The following AKAP6 variants were observed in gnomAD, a reference collection of about 807,000 sequenced individuals.
AKAP6 encodes the protein A-kinase anchor protein 6.
A neutral mutation model predicts 188.5 loss-of-function variants in AKAP6; 58 were observed. The ratio of observed to expected loss-of-function variants is 0.31; its 90% CI spans 0.25 to 0.38. The LOEUF (loss-of-function observed/expected upper bound fraction) is 0.38. Among genes scored for constraint, AKAP6 ranks in the 10% least tolerant of loss-of-function variants. The pLI is 1.00. For synonymous variants in AKAP6, 989 were observed against 998.6 expected (o/e 0.99, Z 0.18); for missense variants, 2,710 against 2,740.0 (o/e 0.99, Z 0.24).
At chr14:32,501,188 TTG>T (rs1341502617) in intron 2 of AKAP6, among the ~76,000 whole-genome samples, 1 of 152,174 alleles carries the variant, frequency 6.6e-6, no homozygotes, top group African/African-American at 2.4e-5. Context: ...GTCCAAAATA[TTG>T]TTTTAACATG....
chr14:32,432,683 T>C (rs1419009066), intron 1 of AKAP6, among the ~76,000 whole-genome samples: 1 of 152,218 alleles, frequency 6.6e-6, no homozygotes, highest in African/African-American at 2.4e-5. Context: ...TCAGTGTTTT[T>C]TGTGATTAGA....
intron 5 of AKAP6, among the ~76,000 whole-genome samples, chr14:32,581,268 G>A (rs1241982967): frequency 6.6e-6 from 1 of 152,152 alleles, no homozygotes; most frequent in Non-Finnish European, 1.5e-5. Flanking sequence ...AGTTATTCAG[G>A]AGCAGGTTGT....
Position 32,833,306 on chromosome 14 carries a change from T to G in AKAP6, c.*3501T>G, listed in dbSNP as rs2034840770. The stretch of plus-strand genomic sequence containing the variant: ...AGGTTTACAGCTTTTCTTCTGAAAG[T>G]GCCTTTTGTGTCCTTGAATAGAGTG... On this transcript the variant is annotated 3_prime_UTR_variant, in exon 14 of 14. Coordinates refer to ENST00000280979, the MANE Select transcript of AKAP6 (RefSeq NM_004274.5). 6.6e-6 allele frequency: 1 copy of G among 152,244 alleles called. No homozygotes were observed. The allele number at this position is 152,244 out of a possible 1,614,324, so 9.4% of individuals were successfully genotyped here.
intron 1 of AKAP6, among the ~76,000 whole-genome samples, chr14:32,361,369 C>G (rs1887660369): frequency 6.6e-6 from 1 of 151,830 alleles, no homozygotes; most frequent in Non-Finnish European, 1.5e-5. Context: ...TAGTGGGGTT[C>G]CAGGTAGGAT....
At chr14:32,435,868 C>T (rs756865402) in intron 2 of AKAP6, among the ~76,000 whole-genome samples, 8 of 152,214 alleles carry the variant, frequency 5.3e-5, no homozygotes, top group Admixed American at 1.3e-4. Flanking sequence ...TTGGTTATAT[C>T]GCTTAATCTA....
chr14:32,412,343 T>C (rs570215969), intron 1 of AKAP6, among the ~76,000 whole-genome samples: 2 of 152,370 alleles, frequency 1.3e-5, no homozygotes, highest in Non-Finnish European at 2.9e-5. Flanking sequence ...AGACACCATG[T>C]AGGATGCAAA....
At position 32,803,292 on chromosome 14, in the gene AKAP6, C is replaced by CA. The variant is rs756664524; in HGVS notation, c.3589-18106dup. Among the ~76,000 whole-genome samples the CA allele has an allele frequency of 4.4e-3, 477 of 109,624 alleles. 4 individuals are homozygous for CA. The highest frequency in any genetic ancestry group is 0.012 in the African/African-American group (449 of 36,664). The allele number at this position is 109,624 out of a possible 152,430, so 71.9% of individuals were successfully genotyped here. A position where few individuals can be genotyped will look rare whatever the true frequency, so the allele number is the denominator to read the frequency against. ...AACCCCGTCTCTATAAAAAAAAAAA[C>CA]AAAACAAATATTTTTGATGCACAAA... On this transcript the variant is annotated intron_variant, in intron 12 of 13. Transcript: ENST00000280979.
intron 2 of AKAP6, among the ~76,000 whole-genome samples, chr14:32,507,135 G>C (rs1014594856): frequency 6.6e-6 from 1 of 152,146 alleles, no homozygotes; most frequent in African/African-American, 2.4e-5. Context: ...CATATTGTCT[G>C]TATCTATCCA....
chr14:32,575,858 G>C (rs1322722458), intron 4 of AKAP6, among the ~76,000 whole-genome samples: 1 of 152,080 alleles, frequency 6.6e-6, no homozygotes, highest in African/African-American at 2.4e-5. Flanking sequence ...TGGCAGTATG[G>C]TATGATCTGA....
At chr14:32,414,413 G>A (rs188224992) in intron 1 of AKAP6, among the ~76,000 whole-genome samples, 2 of 152,238 alleles carry the variant, frequency 1.3e-5, no homozygotes, top group East Asian at 1.9e-4. Flanking sequence ...AGGATTTCCT[G>A]GATGTATCAA....
chr14:32,333,431 A>T (rs537825634), intron 1 of AKAP6, among the ~76,000 whole-genome samples: 14 of 152,294 alleles, frequency 9.2e-5, no homozygotes, highest in African/African-American at 2.6e-4. Flanking sequence ...AGCAAGACAG[A>T]TGCAAATCTC....
intron 11 of AKAP6, among the ~76,000 whole-genome samples, chr14:32,760,634 G>A (rs2032505226): frequency 6.6e-6 from 1 of 152,160 alleles, no homozygotes; most frequent in Non-Finnish European, 1.5e-5. Flanking sequence ...CTTTGAGAGA[G>A]CAGGCAGGAG....
chr14:32,701,912 TA>T (rs907131892), intron 9 of AKAP6, among the ~76,000 whole-genome samples: 2 of 151,756 alleles, frequency 1.3e-5, no homozygotes, highest in Non-Finnish European at 2.9e-5. Flanking sequence ...ATTAACTTTT[TA>T]AAAAAAAATT....
chr14:32,331,012 C>T (rs1031334453), intron 1 of AKAP6, among the ~76,000 whole-genome samples: 2 of 151,980 alleles, frequency 1.3e-5, no homozygotes, highest in Non-Finnish European at 2.9e-5. Context: ...GGTGTGAACA[C>T]ATCTAAGTCG....
chr14:32,560,621 A>G (rs1315216488), intron 4 of AKAP6, among the ~76,000 whole-genome samples: 2 of 152,244 alleles, frequency 1.3e-5, no homozygotes, highest in Admixed American at 1.3e-4. Context: ...TTGTATTAAG[A>G]TGATAACAGT....
At chr14:32,505,353 G>A (rs1880816599) in intron 2 of AKAP6, among the ~76,000 whole-genome samples, 1 of 151,462 alleles carries the variant, frequency 6.6e-6, no homozygotes, top group African/African-American at 2.4e-5. Context: ...CAGTGAGTTG[G>A]CCAAGGTAGG....
intron 1 of AKAP6, among the ~76,000 whole-genome samples, chr14:32,336,285 TAGA>T (rs1314862676): frequency 6.6e-6 from 1 of 152,072 alleles, no homozygotes; most frequent in Non-Finnish European, 1.5e-5. Flanking sequence ...TGCCACCTCT[TAGA>T]AGCCTAAGAA....
chr14:32,732,776 AT>A (rs57844406), intron 10 of AKAP6, 176 bp downstream of exon 10: 17,146 of 513,534 alleles, frequency 0.033, no homozygotes, highest in South Asian at 0.044. Flanking sequence ...TCTTCTGTTG[AT>A]TTTTTTTTTT....
intron 2 of AKAP6, among the ~76,000 whole-genome samples, chr14:32,470,175 C>T (rs1034988091): frequency 2.0e-5 from 3 of 152,160 alleles, no homozygotes; most frequent in Non-Finnish European, 4.4e-5. Flanking sequence ...TAGAGCTTTA[C>T]TACTCAAAGT....
Sources: allele counts gnomAD v4.1 joint callset (sites outside exome capture counted in the v4.1 genomes callset), GRCh38; gene constraint gnomAD v4.1.1; transcripts MANE v1.5; gene names NCBI Gene and HGNC (gene_info 2026-07-23, HGNC 2026-07-21).